ATP7A: variants seen among roughly 807,000 people sequenced by gnomAD.
ATP7A encodes ATPase copper transporting alpha, also known as copper-transporting ATPase 1.
A neutral mutation model predicts 83.5 loss-of-function variants in ATP7A; 7 were observed. That is an observed-to-expected ratio of 0.08 (90% CI 0.05 to 0.16). The LOEUF (loss-of-function observed/expected upper bound fraction) is 0.16. Among genes scored for constraint, ATP7A ranks in the 10% least tolerant of loss-of-function variants. The pLI, the probability that ATP7A is intolerant of heterozygous loss-of-function variation, is 1.00. For missense variants in ATP7A, 940 were observed against 1,120.8 expected (o/e 0.84, Z 2.30); for synonymous variants, 354 against 395.2 (o/e 0.90, Z 1.24).
intron 6 of ATP7A, among the ~76,000 whole-genome samples, chrX:78,003,811 G>A (rs1244026652): frequency 9.0e-6 from 1 of 110,891 alleles, no homozygotes; most frequent in Non-Finnish European, 1.9e-5. Flanking sequence ...GTGTGATGGT[G>A]TGCTCCTGTA....
At position 78,045,467 on chromosome X, in the gene ATP7A, T is replaced by C; in HGVS notation, c.4124-3T>C. ...CTCTAACTAATCCATACTTGTTTCT[T>C]AGGAGTTTTTATGCCCATTGGTTTG... On this transcript the variant is annotated splice_polypyrimidine_tract_variant and splice_region_variant and intron_variant, in intron 21 of 22. Coordinates refer to ENST00000341514, the MANE Select transcript of ATP7A (RefSeq NM_000052.7). 8.3e-7 allele frequency: 1 copy of C among 1,200,193 alleles called. No homozygotes were observed. Among genetic ancestry groups the C allele is most frequent in the Non-Finnish European group, 1.1e-6 (1 of 885,464 alleles).
chrX:77,990,825 A>T (rs2077664990), intron 4 of ATP7A, among the ~76,000 whole-genome samples: 1 of 112,129 alleles, frequency 8.9e-6, no homozygotes, highest in Non-Finnish European at 1.9e-5. Flanking sequence ...CAATTTCTGG[A>T]CAATATAATT....
rs1557232807 is a variant in ATP7A at position 77,998,623 on chromosome X, C to G, written c.1482C>G (p.Val494=). ...ATTCATCTAAGTGTTACATACAGGT[C>G]ACTGGCATGACTTGCGCTTCCTGTG... The part of the protein sequence containing the change: ...GKNSSKCYIQ[V]TGMTCASCVA... Residue 494 remains valine, a synonymous_variant, in exon 5 of 23, where the codon GTC becomes GTG. Coordinates refer to ENST00000341514, the MANE Select transcript of ATP7A (RefSeq NM_000052.7). 8.3e-7 allele frequency: 1 copy of G among 1,210,306 alleles called. No homozygotes were observed. The highest frequency in any genetic ancestry group is 1.7e-5 in the African/African-American group (1 of 57,267).
chrX:77,985,208 A>G (rs1341913487), intron 2 of ATP7A, among the ~76,000 whole-genome samples: 1 of 111,005 alleles, frequency 9.0e-6, no homozygotes, highest in East Asian at 2.8e-4. Context: ...TTGTGGAGAC[A>G]GGGTTCCACC....
intron 14 of ATP7A, among the ~76,000 whole-genome samples, chrX:78,027,789 C>G (rs1407424796): frequency 1.8e-5 from 2 of 110,922 alleles, no homozygotes; most frequent in African/African-American, 3.3e-5. Context: ...AAACCACACA[C>G]CTACAACCAA....
chrX:77,940,942 GAT>G (rs1206226945), intron 1 of ATP7A, among the ~76,000 whole-genome samples: 1 of 111,949 alleles, frequency 8.9e-6, no homozygotes, highest in Non-Finnish European at 1.9e-5. Context: ...AGTGTGAAAT[GAT>G]ATCTTTCCAG....
chrX:77,962,508 C>T (rs1329974071), intron 1 of ATP7A: 7 of 248,583 alleles, frequency 2.8e-5, no homozygotes, highest in Non-Finnish European at 3.8e-5. Flanking sequence ...TTGTTTAAGA[C>T]GCCAAGAACC....
At chrX:77,919,751 G>A (rs1304801918) in intron 1 of ATP7A, among the ~76,000 whole-genome samples, 1 of 112,660 alleles carries the variant, frequency 8.9e-6, no homozygotes, top group South Asian at 3.6e-4. Context: ...GCCTCCCAAA[G>A]TGCTGGGATT....
At chrX:77,922,779 T>C (rs1224147034) in intron 1 of ATP7A, among the ~76,000 whole-genome samples, 1 of 111,937 alleles carries the variant, frequency 8.9e-6, no homozygotes, top group Non-Finnish European at 1.9e-5. Context: ...CCTTCGTCCT[T>C]TAGGGCACCA....
chrX:78,019,631 C>T (rs781923325), intron 12 of ATP7A, among the ~76,000 whole-genome samples: 14 of 110,798 alleles, frequency 1.3e-4, no homozygotes, highest in Non-Finnish European at 2.3e-4. Flanking sequence ...CCATGCCTGG[C>T]TAACTTTTGT....
chrX:78,024,279 T>A (rs1557236105), intron 14 of ATP7A, among the ~76,000 whole-genome samples: 1 of 112,343 alleles, frequency 8.9e-6, no homozygotes, highest in Non-Finnish European at 1.9e-5. Context: ...GCTATTTAGG[T>A]TCTTTTTCCA....
chrX:77,946,328 T>C (rs2149057295), intron 1 of ATP7A, among the ~76,000 whole-genome samples: 1 of 110,073 alleles, frequency 9.1e-6, no homozygotes, highest in South Asian at 3.8e-4. Flanking sequence ...TTCCATTTCC[T>C]TTTTTATATC....
At chrX:77,913,293 G>T (rs782058373) in intron 1 of ATP7A, among the ~76,000 whole-genome samples, 29 of 111,354 alleles carry the variant, frequency 2.6e-4, no homozygotes, top group Non-Finnish European at 4.3e-4. Context: ...TAGTATTTGG[G>T]AGTTTTGTCT....
intron 1 of ATP7A, among the ~76,000 whole-genome samples, chrX:77,913,216 G>T (rs2077169608): frequency 8.9e-6 from 1 of 112,245 alleles, no homozygotes; most frequent in African/African-American, 3.2e-5. Flanking sequence ...TCATTTGCCA[G>T]TTGGGAAAGT....
chrX:78,039,298 G>T (rs1263558960), intron 18 of ATP7A, among the ~76,000 whole-genome samples: 1 of 110,456 alleles, frequency 9.1e-6, no homozygotes, highest in Non-Finnish European at 1.9e-5. Flanking sequence ...ACAATGTCAG[G>T]TTTTTTTTGT....
chrX:78,030,847 A>G (rs1473812347), intron 15 of ATP7A, among the ~76,000 whole-genome samples: 1 of 108,843 alleles, frequency 9.2e-6, no homozygotes, highest in Admixed American at 9.8e-5. Flanking sequence ...ATGCACCACC[A>G]TGCCCAGCTA....
intron 2 of ATP7A, among the ~76,000 whole-genome samples, chrX:77,974,238 G>C (rs782779827): frequency 1.0e-4 from 11 of 109,984 alleles, no homozygotes. Context: ...CCACCTCCTG[G>C]GTTCAAGCAA....
At chrX:77,915,424 C>T (rs782745163) in intron 1 of ATP7A, among the ~76,000 whole-genome samples, 28 of 110,378 alleles carry the variant, frequency 2.5e-4, no homozygotes, top group African/African-American at 5.6e-4. Context: ...TATGACCCTG[C>T]GCAGATTTCA....
In ATP7A at chrX:77,955,344, G is replaced by A. The variant is rs185434235; in HGVS notation, c.-21-16277G>A. Among the ~76,000 whole-genome samples, 332 of 110,447 alleles carry A rather than the reference G, an allele frequency of 3.0e-3. 2 individuals carry two copies. The highest frequency in any genetic ancestry group is 9.5e-3 in the South Asian group (25 of 2,639). Reference sequence around the variant, plus strand: ...TTGCATATTTTAAAATGTATTAGATGGTATCAAACTATCACTTTGTCATTT... The same window carrying A: ...TTGCATATTTTAAAATGTATTAGATAGTATCAAACTATCACTTTGTCATTT... On this transcript the variant is annotated intron_variant, in intron 1 of 22. Transcript: ENST00000341514.
Sources: gnomAD v4.1 joint callset for allele counts (sites outside exome capture counted in the v4.1 genomes callset) on GRCh38, gnomAD v4.1.1 for gene constraint, MANE v1.5 for transcripts, NCBI Gene and HGNC (gene_info 2026-07-23, HGNC 2026-07-21) for gene names.